Variants in MATR3 observed in about 807,000 individuals in gnomAD.
MATR3 encodes matrin-3.
MATR3 carries 4 observed loss-of-function variants against 85.5 expected under a neutral mutation model. The observed-to-expected ratio is 0.05, with a 90% CI of 0.02 to 0.11. The LOEUF is 0.11. MATR3 is among the 10% of genes least tolerant of loss of function. MATR3 has a pLI of 1.00. For synonymous variants in MATR3, 336 were observed against 343.1 expected (o/e 0.98, Z 0.23); for missense variants, 685 against 1,016.1 (o/e 0.67, Z 4.43).
intron 5 of MATR3, 39 bp from the exon 6 acceptor site, chr5:139,317,014 T>C (rs1481759479): frequency 1.9e-6 from 3 of 1,578,822 alleles, no homozygotes; most frequent in African/African-American, 2.7e-5. Flanking sequence ...TAAGCAAGTA[T>C]AGTGATTACA....
chr5:139,321,675 TG>T (rs1303330981), intron 9 of MATR3: 4 of 552,952 alleles, frequency 7.2e-6, no homozygotes, highest in Non-Finnish European at 9.6e-6. Context: ...ACCTAGCTAC[TG>T]GGGGGCTAAG....
chr5:139,308,498 A>G (rs1305782001), intron 2 of MATR3, among the ~76,000 whole-genome samples, 171 bp downstream of exon 2: 1 of 152,230 alleles, frequency 6.6e-6, no homozygotes, highest in Admixed American at 6.5e-5. Context: ...ATTTTAAACC[A>G]GGGCTTTACA....
chr5:139,331,460 C>T lies in MATR3; in HGVS notation c.*2065C>T, dbSNP rs1172437816. ...AGGAAAGAATGCTATGTTTTTAATA[C>T]CTACATTTGAGAGCATTTAGAAATC... On this transcript the variant is annotated 3_prime_UTR_variant, in exon 15 of 15. Transcript: ENST00000394805. 2 of 453,976 alleles carry T rather than the reference C, an allele frequency of 4.4e-6. No individual in the cohort carries two copies. Among genetic ancestry groups the T allele is most frequent in the African/African-American group, 2.0e-5 (1 of 49,994 alleles). 28.1% of individuals were successfully genotyped at this position (453,976 alleles called of 1,614,324 possible). A position where few individuals can be genotyped will look rare whatever the true frequency, so the allele number is the denominator to read the frequency against.
At chr5:139,319,274 T>C in intron 8 of MATR3, 60 bp from the exon 9 acceptor site, 3 of 1,523,040 alleles carry the variant, frequency 2.0e-6, no homozygotes, top group Non-Finnish European at 2.7e-6. Context: ...CTAGGATGTT[T>C]TTAACTGTTA....
rs992322176 is a variant in MATR3, at chr5:139,330,182, C to G, written c.*787C>G. On this transcript the variant is annotated 3_prime_UTR_variant, in exon 15 of 15. Transcript: ENST00000394805. ...GATTTTTGAAGTGTGTAGACCATCT[C>G]TTCATATTTTCAAGATGTAATTTTA... 18 of 454,228 alleles carry G rather than the reference C, an allele frequency of 4.0e-5. No homozygotes were observed. Among genetic ancestry groups the G allele is most frequent in the African/African-American group, 2.8e-4 (14 of 49,966 alleles). The allele number at this position is 454,228 out of a possible 1,614,324, so 28.1% of individuals were successfully genotyped here.
intron 2 of MATR3, among the ~76,000 whole-genome samples, chr5:139,276,664 A>C (rs1313316190): frequency 2.0e-5 from 3 of 152,166 alleles, no homozygotes; most frequent in Non-Finnish European, 2.9e-5. Flanking sequence ...GCTAATGGGA[A>C]GAGGGGGTTG....
intron 7 of MATR3, among the ~76,000 whole-genome samples, chr5:139,318,220 G>T (rs918577443): frequency 6.6e-6 from 1 of 152,120 alleles, no homozygotes; most frequent in East Asian, 1.9e-4. Context: ...TGCAACCTTC[G>T]CCTCCTGTGT....
At chr5:139,322,990 G>A (rs1266366263) in intron 12 of MATR3, 23 bp downstream of exon 12, 6 of 1,546,398 alleles carry the variant, frequency 3.9e-6, no homozygotes, top group Non-Finnish European at 5.3e-6. Context: ...ACATTGATTT[G>A]TTTTAATAGA....
chr5:139,303,869 T>C (rs1490857805), intron 1 of MATR3, among the ~76,000 whole-genome samples: 1 of 152,204 alleles, frequency 6.6e-6, no homozygotes, highest in Non-Finnish European at 1.5e-5. Context: ...ACTAAGGACT[T>C]ACCGGTAATC....
chr5:139,316,907 GAAA>G, intron 5 of MATR3, 143 bp from the exon 6 acceptor site: 1 of 712,128 alleles, frequency 1.4e-6, no homozygotes, highest in Non-Finnish European at 2.5e-6. Context: ...ATATTACACA[GAAA>G]AAACATTGCA....
intron 2 of MATR3, chr5:139,278,719 G>A (rs1039881626): frequency 1.3e-5 from 6 of 477,812 alleles, no homozygotes; most frequent in East Asian, 5.7e-5. Flanking sequence ...CAACTGATAC[G>A]TCTTCTACCT....
upstream of MATR3, among the ~76,000 whole-genome samples, chr5:139,290,235 G>A (rs1561922700): frequency 6.6e-6 from 1 of 151,328 alleles, no homozygotes; most frequent in East Asian, 1.9e-4. Context: ...GAGTGCAGTG[G>A]TGTGATCATG....
Position 139,322,959 on chromosome 5 carries a change from C to T in MATR3, c.2140C>T (p.Leu714Phe), listed in dbSNP as rs1221898775. 1.2e-6 allele frequency: 2 copies of T among 1,613,886 alleles called. No individual in the cohort carries two copies. The highest frequency in any genetic ancestry group is 1.3e-5 in the African/African-American group (1 of 74,978). ...GSASAAAKKK[L>F]KKVDKIEELD... is the part of the protein sequence containing the mutation. The stretch of plus-strand genomic sequence containing the variant: ...TGCTTCAGCAGCAGCAAAGAAAAAG[C>T]TTAAAAAGGTAAAGAAAGATACATT... Residue 714 changes from leucine (L) to phenylalanine (F), a missense_variant, in exon 12 of 15, where the codon CTT becomes TTT. Physicochemically the swap from Leu to Phe is conservative, Grantham distance 22. Coordinates refer to ENST00000394805, the MANE Select transcript of MATR3 (RefSeq NM_018834.6).
At chr5:139,277,405 G>A (rs1753326629) in intron 2 of MATR3, among the ~76,000 whole-genome samples, 1 of 152,172 alleles carries the variant, frequency 6.6e-6, no homozygotes, top group Non-Finnish European at 1.5e-5. Flanking sequence ...TTGGGGGGCA[G>A]GGGAGTTGTT....
intron 1 of MATR3, among the ~76,000 whole-genome samples, chr5:139,299,305 C>T (rs1754321600): frequency 6.6e-6 from 1 of 152,136 alleles, no homozygotes; most frequent in Admixed American, 6.5e-5. Context: ...GCAGACGTTT[C>T]TGTAAGGTGT....
chr5:139,306,704 C>G (rs1408596953), intron 1 of MATR3, among the ~76,000 whole-genome samples: 2 of 152,172 alleles, frequency 1.3e-5, no homozygotes, highest in African/African-American at 4.8e-5. Context: ...GTATAAAGGT[C>G]TCAGCTATTA....
intron 1 of MATR3, among the ~76,000 whole-genome samples, chr5:139,302,975 A>G (rs1186075142): frequency 6.6e-6 from 1 of 151,242 alleles, no homozygotes; most frequent in African/African-American, 2.4e-5. Context: ...TTTTTCCCTG[A>G]GTATCTCTAG....
intron 1 of MATR3, chr5:139,276,114 A>G: frequency 2.2e-6 from 1 of 456,728 alleles, no homozygotes; most frequent in South Asian, 1.5e-5. Context: ...GAGTTGTTTC[A>G]TTGCAGAGAG....
chr5:139,297,106 A>AG (rs1294362791), intron 1 of MATR3, among the ~76,000 whole-genome samples: 2 of 152,186 alleles, frequency 1.3e-5, no homozygotes, highest in Non-Finnish European at 2.9e-5. Flanking sequence ...TGAACCCAGG[A>AG]GGCGGAGGTA....
Sources: gnomAD v4.1 joint callset for allele counts (sites outside exome capture counted in the v4.1 genomes callset) on GRCh38, gnomAD v4.1.1 for gene constraint, MANE v1.5 for transcripts, NCBI Gene and HGNC (gene_info 2026-07-23, HGNC 2026-07-21) for gene names.